The following SLC25A13 variants were observed in gnomAD, a reference collection of about 807,000 sequenced individuals.
The protein encoded by SLC25A13 is electrogenic aspartate/glutamate antiporter SLC25A13, mitochondrial.
Under a neutral mutation model 85.5 loss-of-function variants are expected in SLC25A13, and 70 were observed. That is an observed-to-expected ratio of 0.82 (90% CI 0.68 to 1.00). The LOEUF is 1.00. Among genes scored for constraint, SLC25A13 ranks in the 50% least tolerant of loss-of-function variants. SLC25A13 has a pLI of 0.00. For missense variants in SLC25A13, 765 were observed against 819.8 expected, an observed-to-expected ratio of 0.93 and a Z score of 0.82; for synonymous variants, 259 against 288.7, an observed-to-expected ratio of 0.90 and a Z score of 1.04.
intron 4 of SLC25A13, among the ~76,000 whole-genome samples, chr7:96,224,145 C>A (rs1796243732): frequency 6.6e-6 from 1 of 152,142 alleles, no homozygotes; most frequent in Non-Finnish European, 1.5e-5. Flanking sequence ...CCTTCCAAAC[C>A]CTGACTTTCA....
rs766872012 is a variant in SLC25A13 at position 96,161,493 on chromosome 7, A to AT, written c.1311+8551dup. Among the ~76,000 whole-genome samples the AT allele has an allele frequency of 1.1e-4, 16 of 151,902 alleles. No individual in the cohort carries two copies. The Middle Eastern group carries it at 0.01, about 98-fold the overall frequency. ...AGTCAAGCATTTATTCATTCAACAG[A>AT]TTTTTTTTTAAGTTTCTTCCATATG... On this transcript the variant is annotated intron_variant, in intron 13 of 17. Transcript: ENST00000265631.
In SLC25A13 at chr7:96,185,752, T is replaced by G. The variant is rs555376263; in HGVS notation, c.934-741A>C. Among the ~76,000 whole-genome samples, 4 of 151,440 alleles carry G rather than the reference T, an allele frequency of 2.6e-5. No individual in the cohort carries two copies. In the South Asian group the frequency reaches 8.4e-4, roughly 32 times the overall value. ...AAAAATACAAAAAAAAGAAAAAAAT[T>G]AGCTGGGTGTGGTGGCAGGCGCCTG... is the stretch of plus-strand genomic sequence containing the variant. On this transcript the variant is annotated intron_variant, in intron 9 of 17. Transcript: ENST00000265631.
chr7:96,240,082 C>T lies in SLC25A13; in HGVS notation c.213-5165G>A, dbSNP rs557657475. On this transcript the variant is annotated intron_variant, in intron 3 of 17. Transcript: ENST00000265631. ...TTCACTGTAGCGTAACTTTAGGTCCCTCCTCCCCCCAGCTTTGCAAGGGAT... is the reference window on the plus strand; with the variant it reads ...TTCACTGTAGCGTAACTTTAGGTCCTTCCTCCCCCCAGCTTTGCAAGGGAT... Among the ~76,000 whole-genome samples the T allele has an allele frequency of 3.9e-5, 6 of 152,236 alleles. No homozygotes were observed. The South Asian group carries it at 6.2e-4, about 16-fold the overall frequency.
chr7:96,299,536 T>G (rs1799478319), intron 1 of SLC25A13, among the ~76,000 whole-genome samples: 1 of 152,232 alleles, frequency 6.6e-6, no homozygotes, highest in Admixed American at 6.5e-5. Context: ...AGTGCCAATC[T>G]GTGCTGACAT....
chr7:96,178,345 G>T (rs1794302493), intron 11 of SLC25A13, among the ~76,000 whole-genome samples: 1 of 152,154 alleles, frequency 6.6e-6, no homozygotes, highest in African/African-American at 2.4e-5. Context: ...TGGTAACTAA[G>T]GCAGTAGTTA....
intron 1 of SLC25A13, among the ~76,000 whole-genome samples, chr7:96,314,309 C>T (rs1230908026): frequency 6.6e-6 from 1 of 151,980 alleles, no homozygotes; most frequent in African/African-American, 2.4e-5. Flanking sequence ...TGAGGACAAG[C>T]CAACAGGTTT....
chr7:96,198,934 AG>A, intron 5 of SLC25A13, among the ~76,000 whole-genome samples: 1 of 152,256 alleles, frequency 6.6e-6, no homozygotes, highest in Non-Finnish European at 1.5e-5. Flanking sequence ...ATAAACAAAA[AG>A]TTAAGAGGCA....
chr7:96,141,019 C>CTTTTTTTTTTTTTT (rs11433644), intron 14 of SLC25A13, among the ~76,000 whole-genome samples: 3 of 124,708 alleles, frequency 2.4e-5, no homozygotes, highest in Admixed American at 1.7e-4. Context: ...TTTTTTCTTT[C>CTTTTTTTTTTTTTT]TTTTTTTTTT....
intron 3 of SLC25A13, among the ~76,000 whole-genome samples, chr7:96,235,392 A>C (rs536880652): frequency 6.6e-6 from 1 of 152,318 alleles, no homozygotes; most frequent in East Asian, 1.9e-4. Flanking sequence ...GGCTAGTACA[A>C]GGGGAATACA....
intron 3 of SLC25A13, among the ~76,000 whole-genome samples, chr7:96,264,040 T>C (rs1797953315): frequency 6.6e-6 from 1 of 152,152 alleles, no homozygotes; most frequent in Non-Finnish European, 1.5e-5. Flanking sequence ...CTTTGCTCCT[T>C]GCCCAGACTA....
intron 5 of SLC25A13, among the ~76,000 whole-genome samples, chr7:96,202,334 T>C (rs1795289046): frequency 6.6e-6 from 1 of 152,180 alleles, no homozygotes; most frequent in South Asian, 2.1e-4. Context: ...TCTGACAAAA[T>C]GAGGACCAGA....
intron 3 of SLC25A13, among the ~76,000 whole-genome samples, chr7:96,262,752 G>C (rs1797905345): frequency 6.6e-6 from 1 of 152,176 alleles, no homozygotes; most frequent in Non-Finnish European, 1.5e-5. Flanking sequence ...TCTATGCATA[G>C]AAAGTTTCAT....
intron 15 of SLC25A13, among the ~76,000 whole-genome samples, chr7:96,123,807 G>C (rs548524971): frequency 6.6e-6 from 1 of 152,350 alleles, no homozygotes; most frequent in South Asian, 2.1e-4. Context: ...ATACTGGCAA[G>C]AACTTGGCCA....
chr7:96,270,942 G>A (rs938355729), intron 3 of SLC25A13, among the ~76,000 whole-genome samples: 6 of 152,024 alleles, frequency 3.9e-5, no homozygotes, highest in Non-Finnish European at 7.4e-5. Context: ...TGGTCACCCC[G>A]TCTCTTCCTC....
In SLC25A13 at chr7:96,121,841, C is replaced by T; in HGVS notation, c.1748G>A (p.Gly583Asp). 6.2e-7 allele frequency: 1 copy of T among 1,614,244 alleles called. No homozygotes were observed. Among genetic ancestry groups the T allele is most frequent in the Non-Finnish European group, 8.5e-7 (1 of 1,180,046 alleles). ...EGPKALWKGA[G>D]ARVFRSSPQF... ...TTAAGAACACATTATTTCCATACCA[C>T]CAGCTCCCTTCCACAGAGCTTTTGG... Residue 583 changes from glycine to aspartate, a missense_variant and splice_region_variant, in exon 16 of 18, where the codon GGT becomes GAT. Coordinates refer to ENST00000265631, the MANE Select transcript of SLC25A13 (RefSeq NM_014251.3).
At chr7:96,202,197 G>C (rs1311576093) in intron 5 of SLC25A13, among the ~76,000 whole-genome samples, 1 of 152,188 alleles carries the variant, frequency 6.6e-6, no homozygotes, top group East Asian at 1.9e-4. Context: ...CGGGACTCGT[G>C]ATCTGAGGAC....
intron 5 of SLC25A13, among the ~76,000 whole-genome samples, chr7:96,200,494 TAGAG>T (rs1206461378): frequency 6.6e-6 from 1 of 152,096 alleles, no homozygotes; most frequent in Non-Finnish European, 1.5e-5. Context: ...ATAAAATAGG[TAGAG>T]AGATAAGTAG....
At chr7:96,144,558 T>C (rs1792699214) in intron 14 of SLC25A13, among the ~76,000 whole-genome samples, 1 of 152,208 alleles carries the variant, frequency 6.6e-6, no homozygotes, top group Non-Finnish European at 1.5e-5. Context: ...ACTAACTTCA[T>C]ATGGGAGAGT....
chr7:96,320,522 C>G (rs562676375), intron 1 of SLC25A13, among the ~76,000 whole-genome samples: 26 of 151,420 alleles, frequency 1.7e-4, no homozygotes, highest in Middle Eastern at 6.8e-3. Context: ...AAATTTAATG[C>G]AAAAAAAAGG....
Sources: gnomAD v4.1 joint callset for allele counts (sites outside exome capture counted in the v4.1 genomes callset) on GRCh38, gnomAD v4.1.1 for gene constraint, MANE v1.5 for transcripts, NCBI Gene and HGNC (gene_info 2026-07-23, HGNC 2026-07-21) for gene names.